INTS9: variants seen among roughly 807,000 people sequenced by gnomAD.
INTS9 encodes the protein integrator complex subunit 9.
A neutral mutation model predicts 79.7 loss-of-function variants in INTS9; 55 were observed. That is an observed-to-expected ratio of 0.69 (90% CI 0.56 to 0.86). The LOEUF is 0.86. Ranked by LOEUF, INTS9 falls within the 40% of genes least tolerant of loss-of-function variation. The pLI, the probability that INTS9 is intolerant of heterozygous loss-of-function variation, is 0.00. For missense variants in INTS9, 721 were observed against 831.5 expected, an observed-to-expected ratio of 0.87 and a Z score of 1.64; for synonymous variants, 319 against 325.2, an observed-to-expected ratio of 0.98 and a Z score of 0.20.
intron 8 of INTS9, among the ~76,000 whole-genome samples, chr8:28,801,471 C>CA (rs976614164): frequency 2.0e-5 from 3 of 149,954 alleles, no homozygotes; most frequent in African/African-American, 7.4e-5. Flanking sequence ...GCCTGAGTGA[C>CA]AGAGTAAGAC....
intron 4 of INTS9, among the ~76,000 whole-genome samples, chr8:28,841,342 T>G (rs952357631): frequency 6.6e-6 from 1 of 152,166 alleles, no homozygotes; most frequent in Non-Finnish European, 1.5e-5. Flanking sequence ...GGTAGCACAG[T>G]GATAGATCCA....
intron 1 of INTS9, among the ~76,000 whole-genome samples, chr8:28,881,330 G>A (rs1282757350): frequency 2.4e-5 from 3 of 123,316 alleles, no homozygotes; most frequent in Admixed American, 8.0e-5. Flanking sequence ...CTGGCCAGCC[G>A]CCCCGTCCGG....
rs527905961 is a variant in INTS9 at position 28,793,815 on chromosome 8, A to G, written c.1029T>C (p.Phe343=). The G allele has an allele frequency of 6.2e-7, 1 of 1,602,328 alleles. No individual in the cohort carries two copies. The highest frequency in any genetic ancestry group is 1.4e-5 in the African/African-American group (1 of 73,956). Residue 343 remains phenylalanine (F), a synonymous_variant, in exon 10 of 17, where the codon TTT becomes TTC. Coordinates refer to ENST00000521022, the MANE Select transcript of INTS9 (RefSeq NM_018250.4). The part of the protein sequence containing the change: ...ANSSLEFSQI[F]AEWLCHNKQS... ...AAAAACCACGGACATACCACTCAGC[A>G]AAGATCTGGGAAAACTCCAGTGAAC... is the stretch of plus-strand genomic sequence containing the variant.
chr8:28,861,763 A>G (rs545636900), intron 1 of INTS9, among the ~76,000 whole-genome samples: 4 of 152,374 alleles, frequency 2.6e-5, no homozygotes, highest in East Asian at 1.9e-4. Context: ...TTCAGCAAAG[A>G]AAGTTCGCTG....
intron 9 of INTS9, among the ~76,000 whole-genome samples, chr8:28,795,519 AG>A (rs1403445164): frequency 6.6e-6 from 1 of 151,904 alleles, no homozygotes; most frequent in Non-Finnish European, 1.5e-5. Context: ...GCACACCTGT[AG>A]TCCCAGCTAC....
At chr8:28,779,695 T>C (rs1050984474) in intron 12 of INTS9, among the ~76,000 whole-genome samples, 1 of 152,054 alleles carries the variant, frequency 6.6e-6, no homozygotes. Flanking sequence ...TCCTGCAAGG[T>C]CTTTTTGCTT....
chr8:28,810,714 C>G (rs1007733572), intron 8 of INTS9, among the ~76,000 whole-genome samples: 4 of 152,170 alleles, frequency 2.6e-5, no homozygotes, highest in Admixed American at 6.5e-5. Context: ...AATGTCCCCC[C>G]ACTCCCTATT....
At chr8:28,800,062 C>A (rs1804434891) in intron 8 of INTS9, among the ~76,000 whole-genome samples, 1 of 152,198 alleles carries the variant, frequency 6.6e-6, no homozygotes, top group East Asian at 1.9e-4. Context: ...TATCTCAGCA[C>A]TGATCACTCC....
chr8:28,864,915 G>C (rs897044979), intron 1 of INTS9, among the ~76,000 whole-genome samples: 1 of 151,600 alleles, frequency 6.6e-6, no homozygotes, highest in Non-Finnish European at 1.5e-5. Flanking sequence ...AAACCCAGGA[G>C]GCGGAGGTTG....
intron 1 of INTS9, among the ~76,000 whole-genome samples, chr8:28,882,790 A>G (rs1223309022): frequency 6.6e-6 from 1 of 152,188 alleles, no homozygotes; most frequent in Non-Finnish European, 1.5e-5. Context: ...AGAGAGCTAA[A>G]AGTTCATTCA....
chr8:28,878,417 G>C (rs1275598079), intron 1 of INTS9, among the ~76,000 whole-genome samples: 1 of 151,600 alleles, frequency 6.6e-6, no homozygotes, highest in Non-Finnish European at 1.5e-5. Context: ...GGCTCAAGTG[G>C]ACCTCCTACC....
intron 14 of INTS9, among the ~76,000 whole-genome samples, chr8:28,773,442 T>C (rs1006772328): frequency 8.1e-6 from 1 of 123,744 alleles, no homozygotes. Context: ...CCAGCTTGGG[T>C]GACAGAGCGA....
At chr8:28,810,658 T>C (rs1275112889) in intron 8 of INTS9, among the ~76,000 whole-genome samples, 1 of 152,102 alleles carries the variant, frequency 6.6e-6, no homozygotes, top group Admixed American at 6.5e-5. Context: ...AATATGGACT[T>C]CCACAAGTTA....
At chr8:28,810,057 T>TA (rs890620091) in intron 8 of INTS9, 25 of 152,218 alleles carry the variant, frequency 1.6e-4, no homozygotes, top group African/African-American at 5.5e-4. Flanking sequence ...TATTTGTAAT[T>TA]AAAAAATGAA....
intron 4 of INTS9, among the ~76,000 whole-genome samples, chr8:28,839,501 G>A (rs1304469878): frequency 2.0e-5 from 3 of 152,070 alleles, no homozygotes; most frequent in African/African-American, 7.3e-5. Flanking sequence ...TAAGCCAAAA[G>A]AACAAAGCTG....
intron 4 of INTS9, among the ~76,000 whole-genome samples, chr8:28,843,753 G>A (rs573065437): frequency 6.7e-6 from 1 of 148,574 alleles, no homozygotes; most frequent in African/African-American, 2.5e-5. Context: ...TTTAAACAAT[G>A]GTCCTTTTTT....
At position 28,770,361 on chromosome 8, in the gene INTS9, C is replaced by T. The variant is rs1034546299; in HGVS notation, c.1663-335G>A. ...TCGTGCTGCAGGTACATCATGACCC[C>T]GTGGCTGGGCACACTGGCTGTGGGG... On this transcript the variant is annotated intron_variant, in intron 15 of 16. Transcript: ENST00000521022. Among the ~76,000 whole-genome samples, 6 of 152,176 alleles carry T rather than the reference C, an allele frequency of 3.9e-5. No homozygotes were observed. The East Asian group carries it at 5.8e-4, about 15-fold the overall frequency.
In INTS9 at chr8:28,859,498, C is replaced by T; in HGVS notation, c.75G>A (p.Met25Ile). The change falls in exon 2 of 17, where the codon ATG becomes ATA. Residue 25 changes from methionine to isoleucine, a missense_variant. Transcript: ENST00000521022. ...AAGTCATGTCCAGTCCGCAGTCCAA[C>T]ATAATGGTGGTTGATTTGAATTTGA... ...NVLKFKSTTI[M>I]LDCGLDMTST... 9.3e-6 allele frequency: 15 copies of T among 1,614,144 alleles called. No homozygotes were observed. The highest frequency in any genetic ancestry group is 2.2e-5 in the East Asian group (1 of 44,886).
chr8:28,768,473 G>GTTTCT, intron 16 of INTS9, 151 bp from the exon 17 acceptor site: 1 of 704,142 alleles, frequency 1.4e-6, no homozygotes, highest in Non-Finnish European at 2.4e-6. Flanking sequence ...GATAGTGATA[G>GTTTCT]TTTCTTATAC....
Sources: gnomAD v4.1 joint callset for allele counts (sites outside exome capture counted in the v4.1 genomes callset) on GRCh38, gnomAD v4.1.1 for gene constraint, MANE v1.5 for transcripts, NCBI Gene and HGNC (gene_info 2026-07-23, HGNC 2026-07-21) for gene names.